The following LRRC56 variants were observed in gnomAD, a reference collection of about 807,000 sequenced individuals.
The protein encoded by LRRC56 is leucine rich repeat containing 56.
In LRRC56, 41 loss-of-function variants were observed where a neutral mutation model predicts 47.8. The ratio of observed to expected loss-of-function variants is 0.86; its 90% confidence interval spans 0.67 to 1.11. The LOEUF is 1.11. LRRC56 is among the 50% of genes most tolerant of loss of function. The pLI is 0.00. For synonymous variants in LRRC56, 387 were observed against 311.2 expected, an observed-to-expected ratio of 1.24 and a Z score of -2.56; for missense variants, 759 against 704.2, an observed-to-expected ratio of 1.08 and a Z score of -0.88.
chr11:525,345 C>T, the LRRC56 span, among the ~76,000 whole-genome samples: 9 of 152,154 alleles, frequency 5.9e-5, no homozygotes, highest in Non-Finnish European at 1.3e-4. Flanking sequence ...CGAGACCATC[C>T]TGGCTAACAC....
the LRRC56 span, among the ~76,000 whole-genome samples, chr11:531,224 A>G: frequency 0.4 from 59,122 of 148,872 alleles, 12,958 homozygotes; most frequent in African/African-American, 0.58. Flanking sequence ...TCCCTGGACA[A>G]AAGGGGGAGT....
upstream of LRRC56, chr11:534,045 T>C: frequency 7.4e-7 from 1 of 1,355,578 alleles, no homozygotes; most frequent in Admixed American, 1.7e-5. Flanking sequence ...TCATGCCCCC[T>C]CCTCTCCTGG....
chr11:522,255 TTTTTGTTTTGTTTTG>T, the LRRC56 span, among the ~76,000 whole-genome samples: 4 of 151,356 alleles, frequency 2.6e-5, no homozygotes, highest in African/African-American at 9.7e-5. Flanking sequence ...ATTTCTGGTT[TTTTTGTTTTGTTTTG>T]TTTTGTTTTG....
At chr11:532,319 G>A in the LRRC56 span, 7 of 507,722 alleles carry the variant, frequency 1.4e-5, no homozygotes, top group African/African-American at 3.8e-5. Context: ...GGGAGCTAAG[G>A]GCTGGGGTTC....
chr11:543,835 A>G (rs1231051146), intron 5 of LRRC56, among the ~76,000 whole-genome samples: 7 of 150,202 alleles, frequency 4.7e-5, no homozygotes, highest in East Asian at 4.0e-4. Context: ...TGCAAGCTCC[A>G]CCTCCCGGGT....
At chr11:531,293 G>A in the LRRC56 span, among the ~76,000 whole-genome samples, 1 of 152,170 alleles carries the variant, frequency 6.6e-6, no homozygotes. Context: ...CAACCTCAGG[G>A]ATAGGGAACC....
the LRRC56 span, among the ~76,000 whole-genome samples, chr11:531,934 C>T: frequency 2.0e-5 from 3 of 152,210 alleles, no homozygotes; most frequent in African/African-American, 2.4e-5. Flanking sequence ...CCAGAGCCAC[C>T]GGCACAGATC....
Position 550,105 on chromosome 11 carries a change from C to G in LRRC56, c.457C>G (p.Leu153Val). The change falls in exon 8 of 14, where the codon CTG becomes GTG. Residue 153 changes from leucine (L) to valine (V), a missense_variant. Leu to Val is a conservative substitution (Grantham distance 32, BLOSUM62 1). Transcript: ENST00000270115. Reference sequence around the variant, plus strand: ...CGCCTCCTACAACAACATCTCGGACCTGAGCCCACTGTGCCTGCTGGAACA... The same window carrying G: ...CGCCTCCTACAACAACATCTCGGACGTGAGCCCACTGTGCCTGCTGGAACA... The part of the protein sequence containing the change: ...LYASYNNISD[L>V]SPLCLLEQLE... 6.2e-7 allele frequency: 1 copy of G among 1,613,300 alleles called. No homozygotes were observed. The highest frequency in any genetic ancestry group is 1.3e-5 in the African/African-American group (1 of 75,060).
the LRRC56 span, among the ~76,000 whole-genome samples, chr11:524,751 A>C: frequency 1.3e-5 from 2 of 152,338 alleles, no homozygotes; most frequent in South Asian, 2.1e-4. Flanking sequence ...CCTAAACGTC[A>C]TAACTTAGAC....
chr11:546,522 C>T (rs1463867717), intron 6 of LRRC56, among the ~76,000 whole-genome samples: 11 of 150,778 alleles, frequency 7.3e-5, no homozygotes, highest in Admixed American at 2.6e-4. Flanking sequence ...GAGCCAAGAT[C>T]GCACCACTAA....
Position 540,829 on chromosome 11 carries a change from C to A in LRRC56, c.145C>A (p.Leu49Met). 6.3e-7 allele frequency: 1 copy of A among 1,586,462 alleles called. No individual in the cohort carries two copies. Among genetic ancestry groups the A allele is most frequent in the Non-Finnish European group, 8.6e-7 (1 of 1,167,054 alleles). The change falls in exon 4 of 14, where the codon CTG (leucine) becomes ATG (methionine). Residue 49 changes from leucine (L) to methionine (M), a missense_variant. Leu to Met is a conservative substitution (Grantham distance 15). Coordinates refer to ENST00000270115, the MANE Select transcript of LRRC56 (RefSeq NM_198075.4). The part of the protein sequence containing the change: ...GSQRDRLGEQ[L>M]VEEYLSPARL... The stretch of plus-strand genomic sequence containing the variant: ...TCAGAGGGACAGACTTGGAGAGCAG[C>A]TGGTGGAAGAGTACCTGTCCCCTGC...
chr11:526,989 C>G, the LRRC56 span, among the ~76,000 whole-genome samples: 1 of 151,486 alleles, frequency 6.6e-6, no homozygotes, highest in African/African-American at 2.4e-5. Flanking sequence ...GGCACACACA[C>G]CAATCTTCTA....
In LRRC56 at chr11:554,309, G is replaced by T. The variant is rs1282995514; in HGVS notation, c.*33G>T. On this transcript the variant is annotated 3_prime_UTR_variant, in exon 14 of 14. Transcript: ENST00000270115. The stretch of plus-strand genomic sequence containing the variant: ...CCCACTGCCAGGCTTCCCTGTGCTG[G>T]GGCCACGACTTGCCCACATATGTGG... 1 of 1,463,166 alleles carries T rather than the reference G, an allele frequency of 6.8e-7. No homozygotes were observed. Among genetic ancestry groups the T allele is most frequent in the East Asian group, 2.5e-5 (1 of 40,788 alleles). The allele number at this position is 1,463,166 out of a possible 1,614,324, so 90.6% of individuals were successfully genotyped here. A position where few individuals can be genotyped will look rare whatever the true frequency, so the allele number is the denominator to read the frequency against.
upstream of LRRC56, chr11:534,049 CT>C (rs1851297181): frequency 8.9e-6 from 12 of 1,340,932 alleles, no homozygotes; most frequent in African/African-American, 4.3e-5. Context: ...GCCCCCTCCT[CT>C]CCTGGGGTGC....
chr11:521,881 C>T, the LRRC56 span, among the ~76,000 whole-genome samples: 1 of 151,226 alleles, frequency 6.6e-6, no homozygotes, highest in Non-Finnish European at 1.5e-5. Context: ...CGCCACTGCA[C>T]TCCAGCCTGG....
the LRRC56 span, among the ~76,000 whole-genome samples, chr11:519,086 C>T: frequency 6.6e-6 from 1 of 150,750 alleles, no homozygotes; most frequent in Non-Finnish European, 1.5e-5. Context: ...CCGCCAAAAA[C>T]CTGCTGTCTG....
chr11:546,784 G>A (rs1852104004), intron 6 of LRRC56, among the ~76,000 whole-genome samples: 1 of 151,952 alleles, frequency 6.6e-6, no homozygotes, highest in South Asian at 2.1e-4. Flanking sequence ...CAGGCGGGTT[G>A]GCTCACACCT....
At position 554,050 on chromosome 11, in the gene LRRC56, G is replaced by A. The variant is rs775262689; in HGVS notation, c.1403G>A (p.Trp468Ter). 3 of 1,611,678 alleles carry A rather than the reference G, an allele frequency of 1.9e-6. No individual in the cohort carries two copies. Among genetic ancestry groups the A allele is most frequent in the East Asian group, 4.5e-5 (2 of 44,862 alleles). ...PRDSGSSSPR[W>*]STDLQSRGRR... ...GATTCTGGCAGCAGCTCCCCGCGGT[G>A]GTCGACAGACCTGCAGTCCAGGGGG... is the stretch of plus-strand genomic sequence containing the variant. Residue 468 changes from tryptophan to a stop codon, truncating the protein, a stop_gained, in exon 14 of 14, where the codon TGG becomes TAG. Coordinates refer to ENST00000270115, the MANE Select transcript of LRRC56 (RefSeq NM_198075.4). LOFTEE classifies it low-confidence loss of function (END_TRUNC).
At chr11:540,308 C>T (rs934982663) in intron 3 of LRRC56, among the ~76,000 whole-genome samples, 3 of 152,174 alleles carry the variant, frequency 2.0e-5, no homozygotes, top group East Asian at 1.9e-4. Flanking sequence ...CCACAGCCAC[C>T]GGCAGCTGGC....
Sources: allele counts gnomAD v4.1 joint callset (sites outside exome capture counted in the v4.1 genomes callset), GRCh38; gene constraint gnomAD v4.1.1; transcripts MANE v1.5; gene names NCBI Gene and HGNC (gene_info 2026-07-23, HGNC 2026-07-21).